Variants in DEFB131A observed in about 807,000 individuals in gnomAD.
The protein encoded by DEFB131A is beta-defensin 131A.
In DEFB131A, 5 loss-of-function variants were observed where a neutral mutation model predicts 2.4. The ratio of observed to expected loss-of-function variants is 2.12; its 90% CI spans 1.11 to 4.47. The LOEUF is 4.47. Among genes scored for constraint, DEFB131A ranks in the 30% most tolerant of loss-of-function variants. The probability of loss-of-function intolerance (pLI) is 0.00; values close to 1 mark genes in which losing one functional copy is unlikely to be tolerated. For synonymous variants in DEFB131A, 34 were observed against 25.7 expected, an observed-to-expected ratio of 1.32 and a Z score of -0.97; for missense variants, 120 against 79.9, an observed-to-expected ratio of 1.50 and a Z score of -1.91.
intron 1 of DEFB131A, among the ~76,000 whole-genome samples, chr4:9,447,011 G>C (rs1280570006): frequency 6.6e-6 from 1 of 151,974 alleles, no homozygotes; most frequent in Non-Finnish European, 1.5e-5. Context: ...TTAACATATG[G>C]TCCAGCCTGG....
chr4:9,445,110 C>T (rs2108836664), intron 1 of DEFB131A, among the ~76,000 whole-genome samples: 1 of 151,962 alleles, frequency 6.6e-6, no homozygotes, highest in African/African-American at 2.4e-5. Context: ...AATAAACTTA[C>T]TTGAGAGTTA....
In DEFB131A at chr4:9,444,604, C is replaced by CT. The variant is rs778924213; in HGVS notation, c.58+19dup. ...ACAGTTCCTCCAGGTAAGACAGAAA[C>CT]TTTTTTATTCCAAAGTTCTAAAAAT... On this transcript the variant is annotated intron_variant, in intron 1 of 1. Coordinates refer to ENST00000334879, the MANE Select transcript of DEFB131A (RefSeq NM_001040448.3). The CT allele has an allele frequency of 1.2e-6, 2 of 1,603,472 alleles. No individual in the cohort carries two copies. Among genetic ancestry groups the CT allele is most frequent in the East Asian group, 2.2e-5 (1 of 44,812 alleles).
intron 1 of DEFB131A, among the ~76,000 whole-genome samples, chr4:9,449,829 C>T (rs1182201147): frequency 6.6e-6 from 1 of 152,160 alleles, no homozygotes; most frequent in Non-Finnish European, 1.5e-5. Context: ...TCTGACCCTT[C>T]TCTCATTTAA....
intron 1 of DEFB131A, among the ~76,000 whole-genome samples, chr4:9,449,799 G>T (rs957803543): frequency 6.6e-6 from 1 of 152,116 alleles, no homozygotes; most frequent in South Asian, 2.1e-4. Context: ...CTGGGAAGCT[G>T]GAACTAAGAC....
chr4:9,447,033 T>G (rs1717522119), intron 1 of DEFB131A, among the ~76,000 whole-genome samples: 1 of 152,130 alleles, frequency 6.6e-6, no homozygotes, highest in Non-Finnish European at 1.5e-5. Context: ...GAATGTTCTA[T>G]GTGATGAGGA....
chr4:9,449,306 G>A (rs1717590436), intron 1 of DEFB131A, among the ~76,000 whole-genome samples: 1 of 76,474 alleles, frequency 1.3e-5, no homozygotes, highest in African/African-American at 4.7e-5. Context: ...AAATCCTAAT[G>A]GCACTCTTGA....
chr4:9,449,056 C>G (rs1038579012), intron 1 of DEFB131A, among the ~76,000 whole-genome samples: 3 of 151,474 alleles, frequency 2.0e-5, no homozygotes, highest in Admixed American at 1.3e-4. Flanking sequence ...ACAACAAGCA[C>G]TGGAAAGCAA....
chr4:9,449,304 A>C (rs1717590362), intron 1 of DEFB131A, among the ~76,000 whole-genome samples: 1 of 97,458 alleles, frequency 1.0e-5, no homozygotes. Flanking sequence ...CAAAATCCTA[A>C]TGGCACTCTT....
At chr4:9,445,276 A>C (rs1717466880) in intron 1 of DEFB131A, among the ~76,000 whole-genome samples, 1 of 152,060 alleles carries the variant, frequency 6.6e-6, no homozygotes, top group Admixed American at 6.5e-5. Context: ...TTCACCACTG[A>C]TCCAGGCAAG....
chr4:9,446,023 A>G (rs1717485171), intron 1 of DEFB131A, among the ~76,000 whole-genome samples: 1 of 152,106 alleles, frequency 6.6e-6, no homozygotes, highest in Admixed American at 6.6e-5. Flanking sequence ...AGTGGTCATC[A>G]GTATATCCCA....
rs11933235 is a variant in DEFB131A, at chr4:9,447,205, T to C, written c.58+2614T>C. Among the ~76,000 whole-genome samples, 1,444 of 152,284 alleles carry C rather than the reference T, an allele frequency of 9.5e-3. 17 individuals carry two copies. The highest frequency in any genetic ancestry group is 0.037 in the Middle Eastern group (11 of 294). On this transcript the variant is annotated intron_variant, in intron 1 of 1. Transcript: ENST00000334879. The stretch of plus-strand genomic sequence containing the variant: ...GGGATATTGAAGCCCTCAGTTATCA[T>C]GATGTTGAGGTGTATCTCTCTCTTT...
At chr4:9,444,755 G>T (rs1426824109) in intron 1 of DEFB131A, among the ~76,000 whole-genome samples, 164 bp downstream of exon 1, 1 of 152,016 alleles carries the variant, frequency 6.6e-6, no homozygotes, top group Admixed American at 6.6e-5. Flanking sequence ...AAATAAGGTG[G>T]TTCACTGCAG....
intron 1 of DEFB131A, among the ~76,000 whole-genome samples, chr4:9,445,175 A>T: frequency 6.6e-6 from 1 of 152,154 alleles, no homozygotes; most frequent in Non-Finnish European, 1.5e-5. Context: ...AATTTAAAGA[A>T]TTGGAAAAAG....
Position 9,444,540 on chromosome 4 carries a change from G to A in DEFB131A, c.7G>A (p.Val3Ile). MRVLFFVFGVLSL... is the reference protein window; with the variant it reads MRILFFVFGVLSL... ...CTGCTTTACCTATTCAACCATGAGGGTCTTGTTTTTTGTCTTTGGAGTCCT... is the reference window on the plus strand; with the variant it reads ...CTGCTTTACCTATTCAACCATGAGGATCTTGTTTTTTGTCTTTGGAGTCCT... The change falls in exon 1 of 2, where the codon GTC becomes ATC. Residue 3 changes from valine (V) to isoleucine (I), a missense_variant. Transcript: ENST00000334879. The A allele has an allele frequency of 1.2e-6, 2 of 1,611,664 alleles. No individual in the cohort carries two copies. Among genetic ancestry groups the A allele is most frequent in the Non-Finnish European group, 1.7e-6 (2 of 1,179,680 alleles).
chr4:9,447,716 TA>T (rs57201315), intron 1 of DEFB131A, among the ~76,000 whole-genome samples: 12,547 of 134,702 alleles, frequency 0.093, 643 homozygotes, highest in African/African-American at 0.17. Flanking sequence ...TATCAGTCCT[TA>T]AAAAAAAAAA....
intron 1 of DEFB131A, among the ~76,000 whole-genome samples, chr4:9,445,758 T>G (rs899899692): frequency 2.6e-5 from 4 of 152,134 alleles, no homozygotes; most frequent in Non-Finnish European, 1.5e-5. Flanking sequence ...TATCAGTGTA[T>G]TCTTAAAATT....
At chr4:9,444,855 A>G (rs1717451468) in intron 1 of DEFB131A, among the ~76,000 whole-genome samples, 1 of 151,526 alleles carries the variant, frequency 6.6e-6, no homozygotes, top group Non-Finnish European at 1.5e-5. Context: ...GTGGGTGAGC[A>G]CAGGAGTTCT....
intron 1 of DEFB131A, among the ~76,000 whole-genome samples, chr4:9,447,814 C>T (rs1717541180): frequency 6.6e-6 from 1 of 151,886 alleles, no homozygotes; most frequent in South Asian, 2.1e-4. Flanking sequence ...CACTTGTTAG[C>T]CCATAACGAT....
chr4:9,447,821 C>A lies in DEFB131A; in HGVS notation c.59-2539C>A, dbSNP rs370055718. On this transcript the variant is annotated intron_variant, in intron 1 of 1. Transcript: ENST00000334879. ...TGGAGGAACACTTGTTAGCCCATAA[C>A]GATGAATTCCTCAGTAGACTGATGT... is the stretch of plus-strand genomic sequence containing the variant. Among the ~76,000 whole-genome samples, 9 of 151,862 alleles carry A rather than the reference C, an allele frequency of 5.9e-5. No individual in the cohort carries two copies. In the South Asian group the frequency reaches 1.9e-3, roughly 32 times the overall value.
Sources: gnomAD v4.1 joint callset for allele counts (sites outside exome capture counted in the v4.1 genomes callset) on GRCh38, gnomAD v4.1.1 for gene constraint, MANE v1.5 for transcripts, NCBI Gene and HGNC (gene_info 2026-07-23, HGNC 2026-07-21) for gene names.